Variants in DIS3L2 observed in about 807,000 individuals in gnomAD.
DIS3L2 encodes the protein DIS3-like exonuclease 2.
A neutral mutation model predicts 97.5 loss-of-function variants in DIS3L2; 34 were observed. That is an observed-to-expected ratio of 0.35 (90% CI 0.27 to 0.46). The LOEUF (loss-of-function observed/expected upper bound fraction) is 0.46, where lower values mean the gene tolerates loss of function less well. DIS3L2 is among the 20% of genes least tolerant of loss of function. The pLI is 1.00. For missense variants in DIS3L2, 1,038 were observed against 1,146.0 expected (o/e 0.91, Z 1.36); for synonymous variants, 435 against 445.2 (o/e 0.98, Z 0.29).
chr2:232,028,250 A>C (rs977518886), intron 4 of DIS3L2, among the ~76,000 whole-genome samples: 1 of 151,730 alleles, frequency 6.6e-6, no homozygotes, highest in African/African-American at 2.4e-5. Context: ...TCTATTATCT[A>C]TTCTTTCTGA....
downstream of DIS3L2, among the ~76,000 whole-genome samples, chr2:232,339,364 C>T (rs1205672991): frequency 6.6e-6 from 1 of 152,208 alleles, no homozygotes; most frequent in South Asian, 2.1e-4. Flanking sequence ...CCAGCAGCGC[C>T]GCCAGGAGGC....
At chr2:232,118,731 T>A (rs1697804840) in intron 6 of DIS3L2, among the ~76,000 whole-genome samples, 1 of 152,252 alleles carries the variant, frequency 6.6e-6, no homozygotes, top group South Asian at 2.1e-4. Context: ...TCAAAAGCAG[T>A]GACTCATTCA....
chr2:232,051,799 G>A (rs575649359), intron 5 of DIS3L2, among the ~76,000 whole-genome samples: 2 of 102,540 alleles, frequency 2.0e-5, no homozygotes, highest in African/African-American at 3.8e-5. Flanking sequence ...GCGACAGAGC[G>A]AGACTCCGTC....
At chr2:232,073,430 T>C (rs1050720801) in intron 5 of DIS3L2, among the ~76,000 whole-genome samples, 1 of 152,186 alleles carries the variant, frequency 6.6e-6, no homozygotes. Flanking sequence ...TGGGTATATG[T>C]GAATCTTTTG....
chr2:232,272,571 CCTCT>C (rs1171547078), intron 13 of DIS3L2, among the ~76,000 whole-genome samples: 3 of 152,152 alleles, frequency 2.0e-5, no homozygotes, highest in Non-Finnish European at 2.9e-5. Context: ...TCCCCTCACT[CCTCT>C]CTCTGAGTGC....
At chr2:232,020,056 A>G (rs1057484175) in intron 3 of DIS3L2, among the ~76,000 whole-genome samples, 1 of 151,944 alleles carries the variant, frequency 6.6e-6, no homozygotes, top group Non-Finnish European at 1.5e-5. Context: ...CAAGCAGAAG[A>G]AGGCTTGGTG....
At chr2:231,981,722 CT>C (rs199578441) in intron 1 of DIS3L2, among the ~76,000 whole-genome samples, 2 of 143,366 alleles carry the variant, frequency 1.4e-5, no homozygotes, top group Admixed American at 7.2e-5. Context: ...ATTAAGTGTC[CT>C]TTTTTTTAGA....
chr2:232,003,395 CCTG>C (rs1379393655), intron 1 of DIS3L2, among the ~76,000 whole-genome samples: 1 of 151,954 alleles, frequency 6.6e-6, no homozygotes, highest in Non-Finnish European at 1.5e-5. Context: ...TTTTTTTTGG[CCTG>C]CTATTTTGAA....
intron 1 of DIS3L2, among the ~76,000 whole-genome samples, chr2:231,968,787 A>G (rs184681277): frequency 1.1e-4 from 16 of 152,290 alleles, no homozygotes; most frequent in African/African-American, 3.4e-4. Flanking sequence ...AAAACTGTCA[A>G]TGTTTAGTTA....
Position 232,069,802 on chromosome 2 carries a change from G to C in DIS3L2, c.367-17685G>C, listed in dbSNP as rs1695957856. Among the ~76,000 whole-genome samples the C allele has an allele frequency of 1.3e-5, 2 of 152,234 alleles. 1 individual carries two copies. The highest frequency in any genetic ancestry group is 4.1e-4 in the South Asian group (2 of 4,830). On this transcript the variant is annotated intron_variant, in intron 5 of 20. Coordinates refer to ENST00000325385, the MANE Select transcript of DIS3L2 (RefSeq NM_152383.5). ...TGATAATGGAGCAATATTGAGGAAG[G>C]CTGAGTTGAGACACATACACACATA...
chr2:232,146,299 C>T (rs1011123842), intron 8 of DIS3L2, among the ~76,000 whole-genome samples: 1 of 152,114 alleles, frequency 6.6e-6, no homozygotes, highest in South Asian at 2.1e-4. Context: ...TTTACATTTT[C>T]TGTTGCAGAG....
intron 1 of DIS3L2, among the ~76,000 whole-genome samples, chr2:231,999,300 T>C (rs1416188434): frequency 6.6e-6 from 1 of 152,150 alleles, no homozygotes; most frequent in Non-Finnish European, 1.5e-5. Context: ...TAGTGATGAG[T>C]GGTGTTTAGA....
At chr2:232,176,780 A>T (rs967993024) in intron 9 of DIS3L2, among the ~76,000 whole-genome samples, 37 of 149,228 alleles carry the variant, frequency 2.5e-4, no homozygotes, top group African/African-American at 7.6e-4. Context: ...TTAATTAATT[A>T]ATTAATTAAT....
At chr2:232,104,730 G>C (rs1378236815) in intron 6 of DIS3L2, among the ~76,000 whole-genome samples, 1 of 152,170 alleles carries the variant, frequency 6.6e-6, no homozygotes, top group Non-Finnish European at 1.5e-5. Context: ...ATATGTTGTA[G>C]TGTGTATCAG....
chr2:232,187,208 C>T lies in DIS3L2; in HGVS notation c.1125-23118C>T, dbSNP rs573300291. Among the ~76,000 whole-genome samples, 41 of 152,130 alleles carry T rather than the reference C, an allele frequency of 2.7e-4. 1 individual carries two copies. In the South Asian group the frequency reaches 8.5e-3, roughly 32 times the overall value. On this transcript the variant is annotated intron_variant, in intron 9 of 20. Transcript: ENST00000325385. ...TGCAAATCAAAACCACAATGAGATA[C>T]CACTGTACATTCACTAGGATGGCTG...
At chr2:232,239,090 A>G (rs1574965348) in intron 11 of DIS3L2, among the ~76,000 whole-genome samples, 2 of 152,206 alleles carry the variant, frequency 1.3e-5, no homozygotes, top group Admixed American at 6.5e-5. Flanking sequence ...CCTGCCCATT[A>G]CAAGATAGCT....
At chr2:232,322,836 C>G (rs531506761) in intron 14 of DIS3L2, among the ~76,000 whole-genome samples, 1 of 152,208 alleles carries the variant, frequency 6.6e-6, no homozygotes, top group Non-Finnish European at 1.5e-5. Context: ...TTACCCAGAG[C>G]CTAATTTTAA....
At chr2:232,038,500 A>T (rs1695015951) in intron 5 of DIS3L2, among the ~76,000 whole-genome samples, 1 of 152,170 alleles carries the variant, frequency 6.6e-6, no homozygotes, top group Admixed American at 6.5e-5. Flanking sequence ...AGTGGATGAG[A>T]TTGCTTAAAA....
chr2:232,012,817 T>C lies in DIS3L2; in HGVS notation c.-93-2018T>C, dbSNP rs536437327. Among the ~76,000 whole-genome samples the C allele has an allele frequency of 2.0e-5, 3 of 152,292 alleles. No homozygotes were observed. The South Asian group carries it at 6.2e-4, about 32-fold the overall frequency. ...ATGTCACGGGGAAGGGAATGTTGCTTGTTCGTTCCTTGTCCTATGCCCTCC... is the reference window on the plus strand; with the variant it reads ...ATGTCACGGGGAAGGGAATGTTGCTCGTTCGTTCCTTGTCCTATGCCCTCC... On this transcript the variant is annotated intron_variant, in intron 1 of 20. Transcript: ENST00000325385.
Sources: gnomAD v4.1 joint callset for allele counts (sites outside exome capture counted in the v4.1 genomes callset) on GRCh38, gnomAD v4.1.1 for gene constraint, MANE v1.5 for transcripts, NCBI Gene and HGNC (gene_info 2026-07-23, HGNC 2026-07-21) for gene names.